Variants in USP34 observed in about 807,000 individuals in gnomAD.
USP34 encodes the protein ubiquitin carboxyl-terminal hydrolase 34.
In USP34, 70 loss-of-function variants were observed where a neutral mutation model predicts 460.3. The ratio of observed to expected loss-of-function variants is 0.15; its 90% CI spans 0.13 to 0.19. The LOEUF (loss-of-function observed/expected upper bound fraction) is 0.19, where lower values mean the gene tolerates loss of function less well. Among genes scored for constraint, USP34 ranks in the 10% least tolerant of loss-of-function variants. USP34 has a pLI of 1.00. For synonymous variants in USP34, 1,647 were observed against 1,405.3 expected (o/e 1.17, Z -3.85); for missense variants, 3,985 against 4,236.2 (o/e 0.94, Z 1.65).
intron 34 of USP34, among the ~76,000 whole-genome samples, chr2:61,286,255 G>A (rs6545852): frequency 0.53 from 80,310 of 151,964 alleles, 21,521 homozygotes; most frequent in South Asian, 0.74. Context: ...TAACGCAACA[G>A]AAATTTTTAT....
chr2:61,367,249 A>G (rs1692468110), intron 10 of USP34, among the ~76,000 whole-genome samples: 1 of 152,252 alleles, frequency 6.6e-6, no homozygotes, highest in African/African-American at 2.4e-5. Context: ...ACATGCTAGC[A>G]GTATGCGACA....
intron 48 of USP34, among the ~76,000 whole-genome samples, chr2:61,251,142 AAAAT>A (rs997614861): frequency 5.3e-5 from 8 of 152,332 alleles, no homozygotes; most frequent in Admixed American, 2.0e-4. Flanking sequence ...CATCTCAAAA[AAAAT>A]AAATAAATAA....
At chr2:61,277,761 A>T (rs138648677) in intron 41 of USP34, 2 of 159,776 alleles carry the variant, frequency 1.3e-5, no homozygotes, top group African/African-American at 4.8e-5. Flanking sequence ...ATCTTGAATT[A>T]TATTGCCTAT....
At chr2:61,466,354 A>T (rs954056294) in intron 1 of USP34, among the ~76,000 whole-genome samples, 5 of 151,748 alleles carry the variant, frequency 3.3e-5, no homozygotes, top group Non-Finnish European at 7.4e-5. Context: ...AAGCCCAGGA[A>T]GCGGAGGCTG....
At position 61,394,669 on chromosome 2, in the gene USP34, T is replaced by C. The variant is rs180850609; in HGVS notation, c.753+184A>G. 3.9e-5 allele frequency among the ~76,000 whole-genome samples: 6 copies of C among 152,272 alleles called. No homozygotes were observed. In the East Asian group the frequency reaches 1.2e-3, roughly 29 times the overall value. Reference sequence around the variant, plus strand: ...TTTAGCTTTAAAACAGGTAACTTAATTTTATTCAAATTCTAATCTTAATAA... The same window carrying C: ...TTTAGCTTTAAAACAGGTAACTTAACTTTATTCAAATTCTAATCTTAATAA... On this transcript the variant is annotated intron_variant, in intron 5 of 79. Transcript: ENST00000398571.
intron 49 of USP34, among the ~76,000 whole-genome samples, chr2:61,247,191 G>A (rs143559768): frequency 6.6e-6 from 1 of 152,312 alleles, no homozygotes; most frequent in African/African-American, 2.4e-5. Flanking sequence ...TGAAGATGAT[G>A]TATGATTTAT....
At chr2:61,273,556 A>G (rs1689281321) in intron 41 of USP34, among the ~76,000 whole-genome samples, 1 of 152,102 alleles carries the variant, frequency 6.6e-6, no homozygotes, top group Non-Finnish European at 1.5e-5. Context: ...CTTCTCTATC[A>G]AAGATACTAA....
In USP34 at chr2:61,470,764, G is replaced by A. The variant is rs1216867496; in HGVS notation, c.-72C>T. 5 of 1,355,640 alleles carry A rather than the reference G, an allele frequency of 3.7e-6. No homozygotes were observed. The highest frequency in any genetic ancestry group is 1.2e-5 in the South Asian group (1 of 80,958). 84.0% of individuals were successfully genotyped at this position (1,355,640 alleles called of 1,614,324 possible). A position where few individuals can be genotyped will look rare whatever the true frequency, so the allele number is the denominator to read the frequency against. On this transcript the variant is annotated 5_prime_UTR_variant, in exon 1 of 80. Transcript: ENST00000398571. Reference sequence around the variant, plus strand: ...TGATCCCGACCGGCGGGGGGGAGGGGAGAGAGGCGGAGGAGGGGGCCGGCC... The same window carrying A: ...TGATCCCGACCGGCGGGGGGGAGGGAAGAGAGGCGGAGGAGGGGGCCGGCC...
Position 61,470,841 on chromosome 2 carries a change from G to C in USP34, c.-149C>G. 2.1e-6 allele frequency: 1 copy of C among 484,036 alleles called. No individual in the cohort carries two copies. The highest frequency in any genetic ancestry group is 2.5e-5 in the South Asian group (1 of 40,246). 30.0% of individuals were successfully genotyped at this position (484,036 alleles called of 1,614,324 possible). ...GGCGGGCGGCGGCGGGGACGGGGCGGGGAGCAAGAGAATGGGGGAGGGGGC... is the reference window on the plus strand; with the variant it reads ...GGCGGGCGGCGGCGGGGACGGGGCGCGGAGCAAGAGAATGGGGGAGGGGGC... On this transcript the variant is annotated 5_prime_UTR_variant, in exon 1 of 80. Coordinates refer to ENST00000398571, the MANE Select transcript of USP34 (RefSeq NM_014709.4).
chr2:61,272,438 GTCAT>G (rs1689245305), intron 41 of USP34, among the ~76,000 whole-genome samples: 1 of 150,704 alleles, frequency 6.6e-6, no homozygotes, highest in Non-Finnish European at 1.5e-5. Flanking sequence ...AAAATTAGGA[GTCAT>G]TCTTTATTAA....
intron 1 of USP34, among the ~76,000 whole-genome samples, chr2:61,428,864 A>C (rs1407345502): frequency 6.6e-6 from 1 of 152,214 alleles, no homozygotes; most frequent in Non-Finnish European, 1.5e-5. Context: ...ACAATAACCA[A>C]CAGAGATATC....
rs377766264 is a variant in USP34 at position 61,309,997 on chromosome 2, CTAAA to C, written c.3817+1539_3817+1542del. ...GTGGTTGCCAAACTGTTTCACAAAA[CTAAA>C]TAAAAACATACATGGAGGTAAGACT... On this transcript the variant is annotated intron_variant, in intron 27 of 79. Transcript: ENST00000398571. Among the ~76,000 whole-genome samples, 564 of 151,960 alleles carry C rather than the reference CTAAA, an allele frequency of 3.7e-3. 3 individuals carry two copies. Among genetic ancestry groups the C allele is most frequent in the African/African-American group, 0.013 (534 of 41,420 alleles).
At chr2:61,188,806 ATT>A in intron 79 of USP34, 97 bp from the exon 80 acceptor site, 1 of 1,568,474 alleles carries the variant, frequency 6.4e-7, no homozygotes, top group Non-Finnish European at 8.6e-7. Flanking sequence ...TAGCATTTAT[ATT>A]TAGGAGGTTC....
In USP34 at chr2:61,350,553, T is replaced by A. The variant is rs1481399944; in HGVS notation, c.1377+15A>T. ...ACGGGAAAAAAAAAAAACTATCATG[T>A]TTTGAATGTATTACCTGTTCAGTAT... On this transcript the variant is annotated intron_variant, in intron 11 of 79. Transcript: ENST00000398571. The A allele has an allele frequency of 1.3e-6, 2 of 1,581,558 alleles. No homozygotes were observed. Among genetic ancestry groups the A allele is most frequent in the Admixed American group, 2.0e-5 (1 of 49,488 alleles).
intron 70 of USP34, chr2:61,208,683 G>A (rs1395917459): frequency 9.9e-6 from 3 of 302,968 alleles, no homozygotes; most frequent in Non-Finnish European, 1.8e-5. Flanking sequence ...CAAAATAATG[G>A]GAAAAGTATG....
rs780216864 is a variant in USP34 at position 61,248,573 on chromosome 2, A to G, written c.6332T>C (p.Leu2111Ser). Residue 2111 changes from leucine to serine, a missense_variant, in exon 49 of 80, where the codon TTA becomes TCA. Leu to Ser is a moderately radical substitution (Grantham distance 145). Coordinates refer to ENST00000398571, the MANE Select transcript of USP34 (RefSeq NM_014709.4). Reference sequence around the variant, plus strand: ...TGTATAGGGCGTCATGTCCAAACGTAATGGGAAGGAAAAGTGTGTATTCAC... The same window carrying G: ...TGTATAGGGCGTCATGTCCAAACGTGATGGGAAGGAAAAGTGTGTATTCAC... ...EKVNTHFSFP[L>S]RLDMTPYTED... 6.2e-7 allele frequency: 1 copy of G among 1,609,124 alleles called. No individual in the cohort carries two copies. Among genetic ancestry groups the G allele is most frequent in the East Asian group, 2.2e-5 (1 of 44,776 alleles).
intron 10 of USP34, among the ~76,000 whole-genome samples, chr2:61,359,608 C>G (rs1692212699): frequency 6.6e-6 from 1 of 152,004 alleles, no homozygotes; most frequent in Non-Finnish European, 1.5e-5. Context: ...AAATTAAAAA[C>G]TTTTGTGCAT....
At chr2:61,451,538 C>T (rs544370923) in intron 1 of USP34, among the ~76,000 whole-genome samples, 10 of 151,900 alleles carry the variant, frequency 6.6e-5, no homozygotes, top group South Asian at 2.1e-4. Context: ...CAAACTTAAC[C>T]GGGCATGGTG....
chr2:61,378,029 C>CA (rs1558559118), intron 8 of USP34, among the ~76,000 whole-genome samples: 1 of 152,142 alleles, frequency 6.6e-6, no homozygotes, highest in East Asian at 1.9e-4. Context: ...AAAAATTAGC[C>CA]AGGCATGCTG....
Sources: allele counts gnomAD v4.1 joint callset (sites outside exome capture counted in the v4.1 genomes callset), GRCh38; gene constraint gnomAD v4.1.1; transcripts MANE v1.5; gene names NCBI Gene and HGNC (gene_info 2026-07-23, HGNC 2026-07-21).